PPFIA3: variants seen among roughly 807,000 people sequenced by gnomAD.
PPFIA3 encodes liprin-alpha-3.
PPFIA3 carries 26 observed loss-of-function variants against 145.8 expected under a neutral mutation model. The observed-to-expected ratio is 0.18, with a 90% confidence interval of 0.13 to 0.25. The LOEUF (loss-of-function observed/expected upper bound fraction) is 0.25, where lower values mean the gene tolerates loss of function less well. Among genes scored for constraint, PPFIA3 ranks in the 10% least tolerant of loss-of-function variants. The probability of loss-of-function intolerance (pLI) is 1.00; values close to 1 mark genes in which losing one functional copy is unlikely to be tolerated. For synonymous variants in PPFIA3, 645 were observed against 661.4 expected (o/e 0.98, Z 0.38); for missense variants, 1,008 against 1,587.8 (o/e 0.63, Z 6.21).
chr19:49,133,243 G>A lies in PPFIA3; in HGVS notation c.1033G>A (p.Glu345Lys), dbSNP rs1193412619. The A allele has an allele frequency of 2.5e-6, 4 of 1,605,770 alleles. No homozygotes were observed. Among genetic ancestry groups the A allele is most frequent in the Non-Finnish European group, 3.4e-6 (4 of 1,176,100 alleles). ...SKESLYRQSE[E>K]KSRQLAEWLD... Reference sequence around the variant, plus strand: ...CTGCCTCTCCCTCCCCCAGAGTGAAGAGAAGAGCCGTCAGCTGGCCGAGTG... The same window carrying A: ...CTGCCTCTCCCTCCCCCAGAGTGAAAAGAAGAGCCGTCAGCTGGCCGAGTG... The change falls in exon 9 of 30, where the codon GAG (glutamate) becomes AAG (lysine). Residue 345 changes from glutamate to lysine, a missense_variant. This residue lies in a region of PPFIA3 where 109 missense variants were observed against 198.1 expected (regional missense o/e 0.55). Transcript: ENST00000334186. The surrounding 1 kb of genome is among the most constrained non-coding windows in gnomAD (Gnocchi z 7.2).
intron 15 of PPFIA3, among the ~76,000 whole-genome samples, chr19:49,137,455 C>A (rs2041152165): frequency 2.0e-5 from 3 of 151,806 alleles, no homozygotes. Context: ...ATGGTGAAAA[C>A]CTGTCTCTAC....
At chr19:49,138,702 G>T (rs1224111435) in intron 16 of PPFIA3, among the ~76,000 whole-genome samples, 1 of 152,170 alleles carries the variant, frequency 6.6e-6, no homozygotes, top group African/African-American at 2.4e-5. Context: ...GGGTGCGGTG[G>T]CTCACGCCTG....
chr19:49,120,607 C>T lies in PPFIA3; in HGVS notation c.-16+885C>T, dbSNP rs1475794783. ...GCTCTGCTTAGAACCCCGCTGTGCC[C>T]TGCAGACACACAGACTTAGCCTCCT... On this transcript the variant is annotated intron_variant, in intron 1 of 29. Coordinates refer to ENST00000334186, the MANE Select transcript of PPFIA3 (RefSeq NM_003660.4). This position sits in a 1 kb window ranked among gnomAD's most constrained non-coding sequence, Gnocchi z 4.6. Among the ~76,000 whole-genome samples the T allele has an allele frequency of 6.6e-6, 1 of 152,168 alleles. No homozygotes were observed. Among genetic ancestry groups the T allele is most frequent in the Non-Finnish European group, 1.5e-5 (1 of 68,018 alleles).
chr19:49,121,413 C>T (rs909838628), intron 1 of PPFIA3, among the ~76,000 whole-genome samples: 10 of 152,118 alleles, frequency 6.6e-5, no homozygotes, highest in African/African-American at 2.4e-4. Flanking sequence ...AGGCTCAGGT[C>T]ATCTTCCCAC....
In PPFIA3 at chr19:49,133,353, C is replaced by A. The variant is rs1203124848; in HGVS notation, c.1143C>A (p.Arg381=). 1.2e-6 allele frequency: 2 copies of A among 1,604,820 alleles called. No homozygotes were observed. Among genetic ancestry groups the A allele is most frequent in the African/African-American group, 2.7e-5 (2 of 74,416 alleles). Residue 381 remains arginine, a synonymous_variant, in exon 9 of 30, where the codon CGC becomes CGA. Transcript: ENST00000334186. This position sits in a 1 kb window ranked among gnomAD's most constrained non-coding sequence, Gnocchi z 7.2. ...LPEIEAQLAQ[R]VAALNKAEER... ...AGATAGAGGCGCAGCTGGCGCAGCG[C>A]GTGGCGGCGCTCAACAAGGTGCGGG...
rs1568441573 is a variant in PPFIA3, at chr19:49,145,969, C to CGAGGAGATG, written c.2776_2784dup (p.Glu926_Glu928dup). The CGAGGAGATG allele has an allele frequency of 1.2e-6, 2 of 1,613,980 alleles. No homozygotes were observed. The highest frequency in any genetic ancestry group is 4.5e-5 in the East Asian group (2 of 44,866). On this transcript the variant is annotated inframe_insertion, in exon 22 of 30. Transcript: ENST00000334186. ...CCACAGGAAACGTGTGGATGACACACGAGGAGATGGAGTCCCTTACGGCCA... is the reference window on the plus strand; with the variant it reads ...CCACAGGAAACGTGTGGATGACACACGAGGAGATGGAGGAGATGGAGTCCCTTACGGCCA...
chr19:49,144,119 C>T (rs2041255381), intron 21 of PPFIA3, among the ~76,000 whole-genome samples: 2 of 151,920 alleles, frequency 1.3e-5, no homozygotes, highest in African/African-American at 4.8e-5. Flanking sequence ...AATTCCAATC[C>T]TCTGCCTCAA....
chr19:49,136,638 C>T (rs1385788676), intron 14 of PPFIA3, 86 bp from the exon 15 acceptor site: 14 of 888,718 alleles, frequency 1.6e-5, no homozygotes, highest in Non-Finnish European at 2.0e-5. Context: ...TCAGTGAGGT[C>T]GGGCAAGTCA....
At chr19:49,136,074 T>G in intron 14 of PPFIA3, 151 bp downstream of exon 14, 1 of 972,552 alleles carries the variant, frequency 1.0e-6, no homozygotes, top group Non-Finnish European at 1.4e-6. Flanking sequence ...TCTCCTTCCC[T>G]GCAACCCTCT....
At chr19:49,136,029 A>G in intron 14 of PPFIA3, 106 bp downstream of exon 14, 1 of 1,319,012 alleles carries the variant, frequency 7.6e-7, no homozygotes. Flanking sequence ...GTTGAGAGGC[A>G]GGATCTCTTG....
intron 21 of PPFIA3, among the ~76,000 whole-genome samples, chr19:49,143,488 T>C (rs1197746523): frequency 1.3e-5 from 2 of 152,126 alleles, no homozygotes; most frequent in Non-Finnish European, 2.9e-5. Context: ...TTCTCCTGTC[T>C]CAGCCTCCTG....
intron 23 of PPFIA3, among the ~76,000 whole-genome samples, chr19:49,147,851 A>G (rs2041299037): frequency 6.6e-6 from 1 of 152,246 alleles, no homozygotes; most frequent in South Asian, 2.1e-4. Flanking sequence ...TCCACAGGTG[A>G]TGGTGACGCT....
At chr19:49,139,857 A>T in intron 17 of PPFIA3, 26 bp downstream of exon 17, 1 of 1,610,448 alleles carries the variant, frequency 6.2e-7, no homozygotes, top group Non-Finnish European at 8.5e-7. Flanking sequence ...GGATAGGGAC[A>T]GGGAGAAGCT....
chr19:49,120,213 C>A lies in PPFIA3; in HGVS notation c.-16+491C>A, dbSNP rs1355765550. Among the ~76,000 whole-genome samples, 1 of 152,000 alleles carries A rather than the reference C, an allele frequency of 6.6e-6. No individual in the cohort carries two copies. Among genetic ancestry groups the A allele is most frequent in the Non-Finnish European group, 1.5e-5 (1 of 67,936 alleles). ...TGGAGCTGTCCATGGTCAGCGCGCT[C>A]GGCAGCCTCGCCTCCCCCCACCTCC... is the stretch of plus-strand genomic sequence containing the variant. On this transcript the variant is annotated intron_variant, in intron 1 of 29. Coordinates refer to ENST00000334186, the MANE Select transcript of PPFIA3 (RefSeq NM_003660.4). The surrounding 1 kb of genome is among the most constrained non-coding windows in gnomAD (Gnocchi z 4.6).
intron 19 of PPFIA3, 41 bp downstream of exon 19, chr19:49,141,554 ATG>A (rs774700182): frequency 1.3e-6 from 2 of 1,523,954 alleles, no homozygotes; most frequent in African/African-American, 1.4e-5. Flanking sequence ...GTGTATGTGA[ATG>A]TGAGAGTGTG....
intron 18 of PPFIA3, among the ~76,000 whole-genome samples, 187 bp from the exon 19 acceptor site, chr19:49,141,233 C>T (rs2041217537): frequency 6.6e-6 from 1 of 152,196 alleles, no homozygotes; most frequent in African/African-American, 2.4e-5. Context: ...CCCAGTGCAT[C>T]CAGCCGTATT....
At position 49,133,042 on chromosome 19, in the gene PPFIA3, A is replaced by G. The variant is rs1404715039; in HGVS notation, c.921A>G (p.Thr307=). The change falls in exon 8 of 30, where the codon ACA becomes ACG. Residue 307 remains threonine, a synonymous_variant. Transcript: ENST00000334186. The surrounding 1 kb of genome is among the most constrained non-coding windows in gnomAD (Gnocchi z 7.2). ...AAGATATGGAGGAGCGGATTACAAC[A>G]CTGGAGAAGCGCTACCTGAGCGCCC... ...QREDMEERIT[T]LEKRYLSAQR... is the part of the protein sequence containing the mutation. 1.2e-6 allele frequency: 2 copies of G among 1,612,756 alleles called. No homozygotes were observed. The highest frequency in any genetic ancestry group is 2.7e-5 in the African/African-American group (2 of 74,846).
intron 15 of PPFIA3, among the ~76,000 whole-genome samples, chr19:49,137,628 C>CAAAAAAAAAAAAAAAAAAAAAAAAAAAA (rs3032695): frequency 1.6e-4 from 7 of 43,782 alleles, no homozygotes; most frequent in Admixed American, 3.3e-4. Context: ...GACTCCGTGT[C>CAAAAAAAAAAAAAAAAAAAAAAAAAAAA]AAAAAAAAAA....
intron 1 of PPFIA3, chr19:49,125,479 T>C (rs2040985999): frequency 6.6e-6 from 1 of 152,322 alleles, no homozygotes; most frequent in Admixed American, 6.5e-5. Context: ...CCTGGCTTCA[T>C]CTCCGCCCTG....
Sources: allele counts gnomAD v4.1 joint callset (sites outside exome capture counted in the v4.1 genomes callset), GRCh38; gene constraint gnomAD v4.1.1; regional missense constraint gnomAD v4.1.1; non-coding constraint Gnocchi (gnomAD v3.1); transcripts MANE v1.5; gene names NCBI Gene and HGNC (gene_info 2026-07-23, HGNC 2026-07-21).